Variants in RGS6 observed in about 807,000 individuals in gnomAD.
RGS6 encodes regulator of G protein signaling 6, also known as regulator of G-protein signaling 6.
RGS6 carries 30 observed loss-of-function variants against 78.5 expected under a neutral mutation model. That is an observed-to-expected ratio of 0.38 (90% CI 0.29 to 0.52). The LOEUF is 0.52. Ranked by LOEUF, RGS6 falls within the 20% of genes least tolerant of loss-of-function variation. RGS6 has a pLI of 0.85. For missense variants in RGS6, 495 were observed against 609.7 expected (o/e 0.81, Z 1.98); for synonymous variants, 206 against 206.0 (o/e 1.00, Z 0.00).
chr14:71,917,653 C>T, the RGS6 span, among the ~76,000 whole-genome samples: 5 of 152,072 alleles, frequency 3.3e-5, no homozygotes, highest in African/African-American at 1.2e-4. Flanking sequence ...CTGAAAAAAA[C>T]AACACAAGTC....
intron 2 of RGS6, among the ~76,000 whole-genome samples, chr14:72,060,185 T>C (rs1326347746): frequency 2.0e-5 from 3 of 152,142 alleles, no homozygotes; most frequent in Non-Finnish European, 2.9e-5. Flanking sequence ...TAAAATCTCA[T>C]ATGAATCAAG....
chr14:72,599,305 A>G, the RGS6 span, among the ~76,000 whole-genome samples: 1 of 151,036 alleles, frequency 6.6e-6, no homozygotes, highest in African/African-American at 2.4e-5. Context: ...ATCACAGCAC[A>G]TTGTGAAAAC....
intron 2 of RGS6, among the ~76,000 whole-genome samples, chr14:72,286,603 T>G (rs1310982580): frequency 6.6e-6 from 1 of 152,130 alleles, no homozygotes; most frequent in Non-Finnish European, 1.5e-5. Context: ...CTTTGGGTAG[T>G]ATAGATATTT....
At chr14:72,514,007 G>A (rs2096910390) in intron 14 of RGS6, 1 of 152,260 alleles carries the variant, frequency 6.6e-6, no homozygotes, top group Non-Finnish European at 1.5e-5. Flanking sequence ...GACCTCAGAA[G>A]GTTCACTAGG....
At chr14:72,437,001 C>T (rs923399886) in intron 3 of RGS6, among the ~76,000 whole-genome samples, 2 of 151,900 alleles carry the variant, frequency 1.3e-5, no homozygotes, top group Non-Finnish European at 2.9e-5. Flanking sequence ...TCAAGAAGTG[C>T]CTTTGTTCTG....
intron 3 of RGS6, among the ~76,000 whole-genome samples, chr14:72,400,560 G>A (rs1222055914): frequency 6.6e-6 from 1 of 152,204 alleles, no homozygotes; most frequent in Non-Finnish European, 1.5e-5. Context: ...CACACATAAT[G>A]GGGCTTGCAT....
intron 2 of RGS6, among the ~76,000 whole-genome samples, chr14:72,166,116 A>G (rs1320276955): frequency 6.6e-6 from 1 of 151,586 alleles, no homozygotes; most frequent in East Asian, 1.9e-4. Context: ...ACACACACAC[A>G]CACACACACA....
chr14:72,473,182 G>T (rs1378222398), intron 9 of RGS6, among the ~76,000 whole-genome samples: 1 of 152,172 alleles, frequency 6.6e-6, no homozygotes, highest in African/African-American at 2.4e-5. Context: ...GGCGGCTCAC[G>T]CCTGTAATCC....
At chr14:72,059,872 T>G (rs1329863596) in intron 2 of RGS6, among the ~76,000 whole-genome samples, 1 of 152,200 alleles carries the variant, frequency 6.6e-6, no homozygotes, top group Non-Finnish European at 1.5e-5. Flanking sequence ...GATCTTGATC[T>G]TGGACTTTCC....
At chr14:72,261,732 A>C (rs1349383394) in intron 2 of RGS6, among the ~76,000 whole-genome samples, 1 of 152,118 alleles carries the variant, frequency 6.6e-6, no homozygotes, top group Non-Finnish European at 1.5e-5. Context: ...TATTATAACC[A>C]TTTTTGGGGG....
At chr14:72,029,233 C>T (rs1239301322) in intron 2 of RGS6, among the ~76,000 whole-genome samples, 2 of 152,226 alleles carry the variant, frequency 1.3e-5, no homozygotes, top group East Asian at 3.8e-4. Flanking sequence ...GCAATAGCCA[C>T]TGCATAATCC....
chr14:72,403,588 A>G (rs2092664473), intron 3 of RGS6, among the ~76,000 whole-genome samples: 1 of 152,230 alleles, frequency 6.6e-6, no homozygotes, highest in Admixed American at 6.5e-5. Flanking sequence ...AATAGCTAGA[A>G]TAGAAGATTT....
intron 2 of RGS6, among the ~76,000 whole-genome samples, chr14:72,281,091 C>T (rs996158000): frequency 2.1e-4 from 32 of 150,126 alleles, no homozygotes; most frequent in African/African-American, 7.6e-4. Flanking sequence ...GCTGTATTAA[C>T]GGACAAATAA....
intron 2 of RGS6, among the ~76,000 whole-genome samples, chr14:72,208,807 G>A (rs2043307845): frequency 1.3e-5 from 2 of 152,170 alleles, no homozygotes; most frequent in Admixed American, 1.3e-4. Context: ...ACTAGGTAAT[G>A]TATATGATAC....
chr14:72,015,104 C>T (rs1417573894), intron 2 of RGS6, among the ~76,000 whole-genome samples: 1 of 152,150 alleles, frequency 6.6e-6, no homozygotes. Context: ...CCTGGTTCTT[C>T]AGGCTGTACA....
chr14:71,975,315 C>G (rs1469410247), intron 2 of RGS6, among the ~76,000 whole-genome samples: 3 of 152,164 alleles, frequency 2.0e-5, no homozygotes, highest in Admixed American at 6.5e-5. Context: ...GATTATTCCT[C>G]CTTCGAATGT....
chr14:72,193,670 G>A (rs2039294206), intron 2 of RGS6, among the ~76,000 whole-genome samples: 2 of 152,198 alleles, frequency 1.3e-5, no homozygotes, highest in Non-Finnish European at 2.9e-5. Flanking sequence ...GATAAAGTTT[G>A]GTGATGGTGG....
At chr14:72,220,394 T>C (rs2046583637) in intron 2 of RGS6, among the ~76,000 whole-genome samples, 1 of 152,194 alleles carries the variant, frequency 6.6e-6, no homozygotes, top group African/African-American at 2.4e-5. Flanking sequence ...ATAAAGTAGA[T>C]TATGATTTTG....
chr14:72,016,510 T>C (rs1596124454), intron 2 of RGS6, among the ~76,000 whole-genome samples: 3 of 152,048 alleles, frequency 2.0e-5, no homozygotes, highest in African/African-American at 4.8e-5. Context: ...GGACTACAGG[T>C]GCCTGCCACC....
Sources: allele counts gnomAD v4.1 joint callset (sites outside exome capture counted in the v4.1 genomes callset), GRCh38; gene constraint gnomAD v4.1.1; transcripts MANE v1.5; gene names NCBI Gene and HGNC (gene_info 2026-07-23, HGNC 2026-07-21).